Variants in KLKB1 observed in about 807,000 individuals in gnomAD.
The protein encoded by KLKB1 is kallikrein B1, also known as plasma kallikrein.
Under a neutral mutation model 73.6 loss-of-function variants are expected in KLKB1, and 58 were observed. The observed-to-expected ratio is 0.79, with a 90% CI of 0.64 to 0.98. KLKB1 has a LOEUF of 0.98. Among genes scored for constraint, KLKB1 ranks in the 50% least tolerant of loss-of-function variants. The pLI is 0.00. For synonymous variants in KLKB1, 280 were observed against 258.1 expected, an observed-to-expected ratio of 1.08 and a Z score of -0.81; for missense variants, 737 against 763.8, an observed-to-expected ratio of 0.96 and a Z score of 0.41.
intron 2 of KLKB1, chr4:186,212,603 A>C (rs1736761895): frequency 6.6e-6 from 1 of 152,256 alleles, no homozygotes; most frequent in East Asian, 1.9e-4. Context: ...AATCTCTCAT[A>C]GTGCCTCACA....
upstream of KLKB1, chr4:186,227,446 A>C (rs1737205017): frequency 6.6e-6 from 1 of 152,246 alleles, no homozygotes; most frequent in Non-Finnish European, 1.5e-5. Flanking sequence ...ACAGGACAAA[A>C]AGTTGAAACT....
chr4:186,237,939 G>A (rs928568770), intron 5 of KLKB1, among the ~76,000 whole-genome samples: 1 of 152,002 alleles, frequency 6.6e-6, no homozygotes, highest in African/African-American at 2.4e-5. Flanking sequence ...ATTTTCTGAA[G>A]TCTGTGTCAT....
chr4:186,228,635 G>C (rs534386345), intron 2 of KLKB1, among the ~76,000 whole-genome samples: 58 of 152,292 alleles, frequency 3.8e-4, no homozygotes, highest in African/African-American at 1.3e-3. Flanking sequence ...GCATTTTATA[G>C]TGTCTGGGTC....
At chr4:186,240,719 T>C (rs1315963262) in intron 6 of KLKB1, among the ~76,000 whole-genome samples, 1 of 152,162 alleles carries the variant, frequency 6.6e-6, no homozygotes, top group Admixed American at 6.5e-5. Context: ...TTTTCCTGTC[T>C]CCTCTTTGCG....
intron 2 of KLKB1, among the ~76,000 whole-genome samples, chr4:186,229,892 G>A (rs1201356516): frequency 7.2e-5 from 11 of 152,182 alleles, no homozygotes; most frequent in East Asian, 5.8e-4. Flanking sequence ...CAGAGCCAAC[G>A]TCTTGCAATG....
At chr4:186,255,937 A>G (rs952751348) in intron 12 of KLKB1, 55 bp from the exon 13 acceptor site, 2 of 1,044,976 alleles carry the variant, frequency 1.9e-6, no homozygotes, top group African/African-American at 3.2e-5. Context: ...GTATTTTTAA[A>G]GTCTATATCC....
At chr4:186,218,812 A>G (rs1736967539) in intron 2 of KLKB1, among the ~76,000 whole-genome samples, 3 of 152,200 alleles carry the variant, frequency 2.0e-5, no homozygotes, top group Admixed American at 2.0e-4. Flanking sequence ...GGAGTTTATT[A>G]AAGAGTATTG....
At chr4:186,234,681 G>T (rs1277590544) in intron 4 of KLKB1, among the ~76,000 whole-genome samples, 1 of 152,186 alleles carries the variant, frequency 6.6e-6, no homozygotes, top group East Asian at 1.9e-4. Flanking sequence ...TGCAAATCTT[G>T]CTAAGAATAA....
intron 11 of KLKB1, among the ~76,000 whole-genome samples, chr4:186,253,107 G>A (rs1203218604): frequency 6.6e-6 from 1 of 152,120 alleles, no homozygotes; most frequent in Non-Finnish European, 1.5e-5. Flanking sequence ...TAACGTTGTT[G>A]GGAAGATTAA....
rs542234383 is a variant in KLKB1 at position 186,250,253 on chromosome 4, G to T, written c.609G>T (p.Met203Ile). The T allele has an allele frequency of 6.2e-7, 1 of 1,614,122 alleles. No homozygotes were observed. The highest frequency in any genetic ancestry group is 1.7e-5 in the Admixed American group (1 of 60,022). ...TCTGTGAGTTCACAGGTTGCCACATGAACATCTTCCAGCATCTTGCGTTCT... is the reference window on the plus strand; with the variant it reads ...TCTGTGAGTTCACAGGTTGCCACATTAACATCTTCCAGCATCTTGCGTTCT... ...PCALSEIGCH[M>I]NIFQHLAFSD... Residue 203 changes from methionine to isoleucine, a missense_variant, in exon 7 of 15, where the codon ATG becomes ATT. By Grantham distance (10) the Met-to-Ile change is conservative (BLOSUM62 1). Coordinates refer to ENST00000264690, the MANE Select transcript of KLKB1 (RefSeq NM_000892.5).
rs1173872004 is a variant in KLKB1, at chr4:186,254,572, T to A, written c.1314-16T>A. The stretch of plus-strand genomic sequence containing the variant: ...GACTGCCCAGTTTCAAACAGGTATT[T>A]ATTTTTCTCTCCTAGGCTTCCCCTG... On this transcript the variant is annotated splice_polypyrimidine_tract_variant and intron_variant, in intron 11 of 14. Coordinates refer to ENST00000264690, the MANE Select transcript of KLKB1 (RefSeq NM_000892.5). The A allele has an allele frequency of 2.5e-6, 4 of 1,611,206 alleles. No homozygotes were observed. In the South Asian group the frequency reaches 4.4e-5, roughly 18 times the overall value.
In KLKB1 at chr4:186,243,737, G is replaced by A. The variant is rs189277639; in HGVS notation, c.598+5372G>A. 2.0e-3 allele frequency among the ~76,000 whole-genome samples: 310 copies of A among 152,330 alleles called. 1 individual carries two copies. The highest frequency in any genetic ancestry group is 7.0e-3 in the African/African-American group (293 of 41,582). On this transcript the variant is annotated intron_variant, in intron 6 of 14. Transcript: ENST00000264690. ...TTAGAGTCAGTATAAATATTGACAC[G>A]TAGTCCCTTTGCAAGAGTGAGGGCC... is the stretch of plus-strand genomic sequence containing the variant.
intron 4 of KLKB1, among the ~76,000 whole-genome samples, chr4:186,235,992 T>C (rs1737654121): frequency 3.3e-5 from 5 of 151,684 alleles, no homozygotes; most frequent in Middle Eastern, 3.4e-3. Flanking sequence ...CGCGCGCCTG[T>C]AGTCCCAGCT....
Position 186,250,193 on chromosome 4 carries a change from T to A in KLKB1, c.599-50T>A, listed in dbSNP as rs572308297. The A allele has an allele frequency of 3.6e-5, 55 of 1,548,422 alleles. 1 individual carries two copies. In the South Asian group the frequency reaches 5.7e-4, roughly 16 times the overall value. The stretch of plus-strand genomic sequence containing the variant: ...CTATGGTGACAAAATACAAGCAAAT[T>A]TAGCCTCATGTCATTTCCTAAGGAA... On this transcript the variant is annotated intron_variant, in intron 6 of 14. Coordinates refer to ENST00000264690, the MANE Select transcript of KLKB1 (RefSeq NM_000892.5).
intron 6 of KLKB1, among the ~76,000 whole-genome samples, chr4:186,240,374 T>G (rs909190310): frequency 3.3e-5 from 5 of 152,226 alleles, no homozygotes; most frequent in Middle Eastern, 3.4e-3. Context: ...ACAGTGATAT[T>G]GTTATAGTTA....
chr4:186,249,437 A>G (rs1418049084), intron 6 of KLKB1, among the ~76,000 whole-genome samples: 2 of 152,162 alleles, frequency 1.3e-5, no homozygotes, highest in African/African-American at 4.8e-5. Flanking sequence ...GTAAGAGTTT[A>G]TTTTTGGACC....
chr4:186,252,941 G>C (rs1738790964), intron 11 of KLKB1, among the ~76,000 whole-genome samples: 1 of 152,218 alleles, frequency 6.6e-6, no homozygotes, highest in Non-Finnish European at 1.5e-5. Context: ...TAGTAGACAT[G>C]TTAGGTAAGT....
At chr4:186,220,550 A>C (rs74508932) in intron 2 of KLKB1, among the ~76,000 whole-genome samples, 9,023 of 152,246 alleles carry the variant, frequency 0.059, 386 homozygotes, top group South Asian at 0.19. Flanking sequence ...TTCTGCATGT[A>C]GTTGTAAGTG....
At chr4:186,231,558 T>G (rs561730597) in intron 2 of KLKB1, among the ~76,000 whole-genome samples, 1 of 152,380 alleles carries the variant, frequency 6.6e-6, no homozygotes, top group East Asian at 1.9e-4. Context: ...TAGCATTGCA[T>G]GCTAGAAAAG....
Sources: allele counts gnomAD v4.1 joint callset (sites outside exome capture counted in the v4.1 genomes callset), GRCh38; gene constraint gnomAD v4.1.1; transcripts MANE v1.5; gene names NCBI Gene and HGNC (gene_info 2026-07-23, HGNC 2026-07-21).